The following RBFOX1 variants were observed in gnomAD, a reference collection of about 807,000 sequenced individuals.
RBFOX1 encodes RNA binding protein fox-1 homolog 1.
In RBFOX1, 8 loss-of-function variants were observed where a neutral mutation model predicts 57.7. The ratio of observed to expected loss-of-function variants is 0.14; its 90% CI spans 0.08 to 0.25. The LOEUF (loss-of-function observed/expected upper bound fraction) is 0.25, where lower values mean the gene tolerates loss of function less well. Among genes scored for constraint, RBFOX1 ranks in the 10% least tolerant of loss-of-function variants. The pLI, the probability that RBFOX1 is intolerant of heterozygous loss-of-function variation, is 1.00. For synonymous variants in RBFOX1, 326 were observed against 222.4 expected (o/e 1.47, Z -4.15); for missense variants, 611 against 548.5 (o/e 1.11, Z -1.14).
At chr16:7,019,354 C>A (rs1006193907) in intron 3 of RBFOX1, among the ~76,000 whole-genome samples, 29 of 151,998 alleles carry the variant, frequency 1.9e-4, no homozygotes, top group Non-Finnish European at 2.8e-4. Flanking sequence ...TGGAGTAAGA[C>A]CTTTTAGCTG....
chr16:6,177,712 A>G (rs4786830), intron 1 of RBFOX1, among the ~76,000 whole-genome samples: 8,572 of 152,190 alleles, frequency 0.056, 454 homozygotes, highest in African/African-American at 0.14. Context: ...TTACTCACTG[A>G]TATTTTGAAT....
rs372393264 is a variant in RBFOX1, at chr16:6,817,564, G to C, written c.-16+162914G>C. ...AAAAAAAAAAAAAAAAATTTAACTG[G>C]ATTTGGTGGCGCATGCGTGTAATTG... On this transcript the variant is annotated intron_variant, in intron 3 of 15. Transcript: ENST00000550418. Among the ~76,000 whole-genome samples, 47 of 150,626 alleles carry C rather than the reference G, an allele frequency of 3.1e-4. No individual in the cohort carries two copies. The East Asian group carries it at 7.8e-3, about 25-fold the overall frequency.
intron 2 of RBFOX1, among the ~76,000 whole-genome samples, chr16:6,332,306 CTG>C (rs963580720): frequency 6.6e-6 from 1 of 152,182 alleles, no homozygotes; most frequent in Non-Finnish European, 1.5e-5. Context: ...GTACCTGTCA[CTG>C]TGTGAGGCAT....
chr16:5,964,198 T>TA (rs2059802636), intron 4 of RBFOX1, among the ~76,000 whole-genome samples: 1 of 152,198 alleles, frequency 6.6e-6, no homozygotes, highest in Non-Finnish European at 1.5e-5. Flanking sequence ...CGTAATGAGA[T>TA]ACCACCTCAT....
chr16:5,846,673 C>G (rs2056765378), intron 3 of RBFOX1, among the ~76,000 whole-genome samples: 1 of 152,198 alleles, frequency 6.6e-6, no homozygotes, highest in Non-Finnish European at 1.5e-5. Context: ...TTCATCAACA[C>G]AGACTTCCAG....
chr16:6,162,392 G>A (rs1428523243), intron 1 of RBFOX1, among the ~76,000 whole-genome samples: 2 of 152,134 alleles, frequency 1.3e-5, no homozygotes, highest in African/African-American at 4.8e-5. Context: ...TGGGATTACT[G>A]TCGTGAGCCA....
intron 10 of RBFOX1, among the ~76,000 whole-genome samples, chr16:7,613,236 G>T (rs973698965): frequency 3.3e-5 from 5 of 152,122 alleles, no homozygotes; most frequent in South Asian, 2.1e-4. Context: ...CTCCTGAAAA[G>T]AACAATTTGT....
At chr16:6,675,146 C>T (rs999394173) in intron 3 of RBFOX1, among the ~76,000 whole-genome samples, 5 of 152,030 alleles carry the variant, frequency 3.3e-5, no homozygotes, top group Admixed American at 2.6e-4. Context: ...CCTCGTGATC[C>T]GCCCACCTCG....
chr16:5,628,822 C>T (rs1361715417), intron 3 of RBFOX1, among the ~76,000 whole-genome samples: 1 of 152,174 alleles, frequency 6.6e-6, no homozygotes, highest in Non-Finnish European at 1.5e-5. Flanking sequence ...TCTCATGGCA[C>T]CCTTGTCTGT....
intron 3 of RBFOX1, among the ~76,000 whole-genome samples, chr16:6,966,781 ATCTATCTATCTGTCTGTCTG>A (rs1434908001): frequency 0.01 from 602 of 59,842 alleles, 3 homozygotes; most frequent in African/African-American, 0.024. Context: ...CTATCTATCT[ATCTATCTATCTGTCTGTCTG>A]TCTGTCTGTC....
intron 4 of RBFOX1, among the ~76,000 whole-genome samples, chr16:7,054,160 G>A (rs988328312): frequency 2.5e-5 from 3 of 118,488 alleles, no homozygotes; most frequent in African/African-American, 3.4e-5. Flanking sequence ...GTCTGTAAGA[G>A]CCCTTCCATC....
chr16:5,861,402 T>A (rs1195169365), intron 3 of RBFOX1, among the ~76,000 whole-genome samples: 1 of 152,178 alleles, frequency 6.6e-6, no homozygotes, highest in East Asian at 1.9e-4. Flanking sequence ...TCCTGTCAGA[T>A]TGGGACAAAG....
intron 1 of RBFOX1, among the ~76,000 whole-genome samples, chr16:6,256,247 GTATATATATGTGTATATATATATGTA>G (rs2097665263): frequency 2.6e-5 from 2 of 78,346 alleles, no homozygotes; most frequent in East Asian, 3.7e-4. Context: ...ATATATATAT[GTATATATATGTGTATATATATATGTA>G]TATATATATG....
intron 1 of RBFOX1, among the ~76,000 whole-genome samples, chr16:6,131,463 C>T (rs1418244947): frequency 1.3e-5 from 2 of 152,132 alleles, no homozygotes; most frequent in African/African-American, 2.4e-5. Flanking sequence ...CTACCCCTTG[C>T]TCTAGAGTCA....
At chr16:5,951,284 C>G (rs922788608) in intron 4 of RBFOX1, among the ~76,000 whole-genome samples, 3 of 152,058 alleles carry the variant, frequency 2.0e-5, no homozygotes, top group South Asian at 2.1e-4. Flanking sequence ...CCTGTCTTTA[C>G]TAAAAATACA....
rs536400051 is a variant in RBFOX1, at chr16:5,939,005, C to T, written c.351+71670C>T. Among the ~76,000 whole-genome samples, 63 of 152,066 alleles carry T rather than the reference C, an allele frequency of 4.1e-4. 1 individual carries two copies. The highest frequency in any genetic ancestry group is 1.4e-3 in the African/African-American group (58 of 41,490). ...AACTATCGCAAGGACAAAAAGCAAA[C>T]AGCTTATGTTCTCATTCATAGGTGG... On this transcript the variant is annotated intron_variant, in intron 4 of 19. Transcript: ENST00000641259.
chr16:7,603,678 T>G (rs1342168576), intron 9 of RBFOX1, among the ~76,000 whole-genome samples: 1 of 149,916 alleles, frequency 6.7e-6, no homozygotes, highest in Non-Finnish European at 1.5e-5. Flanking sequence ...TCTTGGGGGG[T>G]TTTATAAAGA....
chr16:7,351,999 G>A (rs747405536), intron 4 of RBFOX1, among the ~76,000 whole-genome samples: 1 of 152,168 alleles, frequency 6.6e-6, no homozygotes, highest in East Asian at 1.9e-4. Flanking sequence ...CTCCTGCAGA[G>A]TGATTCGTGG....
chr16:7,396,212 C>T (rs1470034874), intron 4 of RBFOX1, among the ~76,000 whole-genome samples: 1 of 152,124 alleles, frequency 6.6e-6, no homozygotes. Flanking sequence ...TGCTGTGTCT[C>T]CAAGAGCAAG....
Sources: allele counts gnomAD v4.1 joint callset (sites outside exome capture counted in the v4.1 genomes callset), GRCh38; gene constraint gnomAD v4.1.1; transcripts MANE v1.5; gene names NCBI Gene and HGNC (gene_info 2026-07-23, HGNC 2026-07-21).